The following C6orf132 variants were observed in gnomAD, a reference collection of about 807,000 sequenced individuals.
C6orf132 encodes the protein chromosome 6 open reading frame 132.
C6orf132 carries 43 observed loss-of-function variants against 65.3 expected under a neutral mutation model. The ratio of observed to expected loss-of-function variants is 0.66; its 90% CI spans 0.52 to 0.85. The LOEUF (loss-of-function observed/expected upper bound fraction) is 0.85. Ranked by LOEUF, C6orf132 falls within the 40% of genes least tolerant of loss-of-function variation. The pLI is 0.00. For missense variants in C6orf132, 1,488 were observed against 1,548.8 expected (o/e 0.96, Z 0.66); for synonymous variants, 631 against 654.1 (o/e 0.96, Z 0.54).
Position 42,107,240 on chromosome 6 carries a change from T to C in C6orf132, c.672A>G (p.Leu224=). 1 of 1,019,552 alleles carries C rather than the reference T, an allele frequency of 9.8e-7. No homozygotes were observed. Among genetic ancestry groups the C allele is most frequent in the Non-Finnish European group, 1.2e-6 (1 of 834,888 alleles). 63.2% of individuals were successfully genotyped at this position (1,019,552 alleles called of 1,614,324 possible). A position where few individuals can be genotyped will look rare whatever the true frequency, so the allele number is the denominator to read the frequency against. The change falls in exon 4 of 5, where the codon CTA becomes CTG. Residue 224 remains leucine, a synonymous_variant. Coordinates refer to ENST00000341865, the MANE Select transcript of C6orf132 (RefSeq NM_001164446.3). The stretch of plus-strand genomic sequence containing the variant: ...CTGGCACAGGAGGCGGTGGGGGGGC[T>C]AGAAAGGCCAAGGGTGGGGCAGGGG... The part of the protein sequence containing the change: ...FIPPAPPLAF[L]APPPPPVPAP...
chr6:42,107,340 G>A lies in C6orf132; in HGVS notation c.572C>T (p.Pro191Leu). 1.6e-6 allele frequency: 2 copies of A among 1,257,274 alleles called. No homozygotes were observed. Among genetic ancestry groups the A allele is most frequent in the Non-Finnish European group, 2.2e-6 (2 of 924,802 alleles). The allele number at this position is 1,257,274 out of a possible 1,614,324, so 77.9% of individuals were successfully genotyped here. ...PPPPSMAPPP[P>L]PVLEALSPPH... ...TGGGGATAGGGCCTCCAATACTGGG[G>A]GTGGAGGTGGGGCCATGCTGGGCGG... The change falls in exon 4 of 5, where the codon CCC (proline) becomes CTC (leucine). Residue 191 changes from proline to leucine, a missense_variant. By Grantham distance (98) the Pro-to-Leu change is moderately conservative. Coordinates refer to ENST00000341865, the MANE Select transcript of C6orf132 (RefSeq NM_001164446.3).
At chr6:42,128,011 G>A (rs767369196) in intron 2 of C6orf132, among the ~76,000 whole-genome samples, 5 of 149,722 alleles carry the variant, frequency 3.3e-5, no homozygotes, top group Non-Finnish European at 7.4e-5. Context: ...TGCAAGCTCC[G>A]CCTCCTGGGT....
At chr6:42,128,631 C>A (rs963730051) in intron 2 of C6orf132, 41 bp downstream of exon 2, 4 of 1,490,092 alleles carry the variant, frequency 2.7e-6, no homozygotes, top group Non-Finnish European at 3.7e-6. Context: ...GTGTCCCCAG[C>A]CAGAGCAGAC....
At chr6:42,125,589 G>GGAC (rs2127477873) in intron 2 of C6orf132, among the ~76,000 whole-genome samples, 1 of 152,292 alleles carries the variant, frequency 6.6e-6, no homozygotes, top group Non-Finnish European at 1.5e-5. Flanking sequence ...TTCAGCCGTC[G>GGAC]GTTCACCATG....
At chr6:42,117,368 G>T (rs1766598956) in intron 2 of C6orf132, among the ~76,000 whole-genome samples, 1 of 152,140 alleles carries the variant, frequency 6.6e-6, no homozygotes, top group Admixed American at 6.5e-5. Flanking sequence ...AGGTCACACA[G>T]CTAGTAAGTG....
At chr6:42,123,602 G>GGAA (rs369574940) in intron 2 of C6orf132, among the ~76,000 whole-genome samples, 2 of 149,256 alleles carry the variant, frequency 1.3e-5, no homozygotes, top group African/African-American at 5.1e-5. Context: ...GAAGAAAGAA[G>GGAA]GAAGAAGAAG....
intron 2 of C6orf132, among the ~76,000 whole-genome samples, chr6:42,121,011 A>G (rs1027589565): frequency 5.3e-5 from 8 of 152,210 alleles, no homozygotes; most frequent in Non-Finnish European, 1.2e-4. Context: ...TGACTTATCT[A>G]AAAGGAGTCA....
chr6:42,105,070 T>A lies in C6orf132; in HGVS notation c.2842A>T (p.Arg948Ter), dbSNP rs1233071167. 6.5e-7 allele frequency: 1 copy of A among 1,536,782 alleles called. No homozygotes were observed. The highest frequency in any genetic ancestry group is 1.4e-5 in the African/African-American group (1 of 73,024). Residue 948 changes from arginine to a stop codon, truncating the protein, a stop_gained, in exon 4 of 5, where the codon AGA becomes TGA. Transcript: ENST00000341865. LOFTEE classifies it high-confidence loss of function. The stretch of plus-strand genomic sequence containing the variant: ...TGGGGGAGGTTGGAGGGAGCTACTC[T>A]TTCCCAGGCCACAGGGGCCTGGGGC... The part of the protein sequence containing the change: ...PEPQAPVAWE[R>*]VAPSNLPQGH...
chr6:42,104,559 G>C lies in C6orf132; in HGVS notation c.3353C>G (p.Pro1118Arg), dbSNP rs1766354442. The C allele has an allele frequency of 7.8e-7, 1 of 1,279,956 alleles. No homozygotes were observed. The highest frequency in any genetic ancestry group is 4.2e-5 in the Admixed American group (1 of 23,800). 79.3% of individuals were successfully genotyped at this position (1,279,956 alleles called of 1,614,324 possible). A position where few individuals can be genotyped will look rare whatever the true frequency, so the allele number is the denominator to read the frequency against. ...GRAPPGGLHA[P>R]RLSLEGAARG... is the part of the protein sequence containing the mutation. ...GGCGGCGCCCTCCAGGGACAGCCTCGGCGCGTGCAGGCCTCCGGGGGGCGC... is the reference window on the plus strand; with the variant it reads ...GGCGGCGCCCTCCAGGGACAGCCTCCGCGCGTGCAGGCCTCCGGGGGGCGC... Residue 1118 changes from proline (P) to arginine (R), a missense_variant, in exon 4 of 5, where the codon CCG becomes CGG. Pro to Arg is a moderately radical substitution (Grantham distance 103). Coordinates refer to ENST00000341865, the MANE Select transcript of C6orf132 (RefSeq NM_001164446.3). The surrounding 1 kb of genome is among the most constrained non-coding windows in gnomAD (Gnocchi z 4.1).
chr6:42,106,651 G>C lies in C6orf132; in HGVS notation c.1261C>G (p.Gln421Glu). 7.0e-7 allele frequency: 1 copy of C among 1,437,526 alleles called. No homozygotes were observed. The highest frequency in any genetic ancestry group is 1.2e-5 in the South Asian group (1 of 82,568). 89.0% of individuals were successfully genotyped at this position (1,437,526 alleles called of 1,614,324 possible). ...CCAGCAGGTGGATGGGCTGCCTTCT[G>C]AGCACAGGGCAAAGGAGGTGCAGCT... The part of the protein sequence containing the change: ...PPAAPPLPCA[Q>E]KAAHPPAGFT... The change falls in exon 4 of 5, where the codon CAG becomes GAG. Residue 421 changes from glutamine to glutamate, a missense_variant. Gln to Glu is a conservative substitution (Grantham distance 29, BLOSUM62 2). Coordinates refer to ENST00000341865, the MANE Select transcript of C6orf132 (RefSeq NM_001164446.3).
intron 2 of C6orf132, among the ~76,000 whole-genome samples, chr6:42,120,714 C>A (rs962204071): frequency 6.6e-6 from 1 of 152,160 alleles, no homozygotes; most frequent in Non-Finnish European, 1.5e-5. Flanking sequence ...CTCCACCTCC[C>A]AGGTTCAAGC....
In C6orf132 at chr6:42,102,846, T is replaced by C. The variant is rs1473446631; in HGVS notation, c.*915A>G. 5.2e-6 allele frequency: 2 copies of C among 385,190 alleles called. No individual in the cohort carries two copies. The allele number at this position is 385,190 out of a possible 1,614,324, so 23.9% of individuals were successfully genotyped here. A position where few individuals can be genotyped will look rare whatever the true frequency, so the allele number is the denominator to read the frequency against. On this transcript the variant is annotated 3_prime_UTR_variant, in exon 5 of 5. Transcript: ENST00000341865. Reference sequence around the variant, plus strand: ...TAAGGCATCAAGAGTATTGGTGACTTGTAGTATCAGTGTTAGGAAAAATGC... The same window carrying C: ...TAAGGCATCAAGAGTATTGGTGACTCGTAGTATCAGTGTTAGGAAAAATGC...
rs750314946 is a variant in C6orf132 at position 42,106,500 on chromosome 6, C to T, written c.1412G>A (p.Arg471Gln). Residue 471 changes from arginine (R) to glutamine (Q), a missense_variant, in exon 4 of 5, where the codon CGG (arginine) becomes CAG (glutamine). Coordinates refer to ENST00000341865, the MANE Select transcript of C6orf132 (RefSeq NM_001164446.3). ...WRDPSQMEKL[R>Q]NELAAYLCGS... ...ACAGAGATAGGCTGCCAGCTCGTTC[C>T]GCAGCTTTTCCATCTGGCTGGGGTC... The T allele has an allele frequency of 4.4e-5, 67 of 1,536,166 alleles. No individual in the cohort carries two copies. Among genetic ancestry groups the T allele is most frequent in the African/African-American group, 2.2e-4 (16 of 72,882 alleles).
chr6:42,105,287 G>A lies in C6orf132; in HGVS notation c.2625C>T (p.Ala875=), dbSNP rs754996256. 16 of 1,537,146 alleles carry A rather than the reference G, an allele frequency of 1.0e-5. No individual in the cohort carries two copies. The highest frequency in any genetic ancestry group is 3.6e-5 in the South Asian group (3 of 84,062). ...PGSLRDHSHQ[A]EASSDSIFHS... is the part of the protein sequence containing the mutation. The stretch of plus-strand genomic sequence containing the variant: ...GGAAGATGCTGTCAGAGCTGGCCTC[G>A]GCTTGGTGGCTGTGGTCACGGAGAC... Residue 875 remains alanine (A), a synonymous_variant, in exon 4 of 5, where the codon GCC becomes GCT. Transcript: ENST00000341865.
Position 42,124,631 on chromosome 6 carries a change from C to G in C6orf132, c.252+4041G>C, listed in dbSNP as rs1336191509. ...AGTGTCAGGCAGGGCTAGGCACCGG[C>G]CCAGCTCCCCACCCACCCTGACTTG... On this transcript the variant is annotated intron_variant, in intron 2 of 4. Coordinates refer to ENST00000341865, the MANE Select transcript of C6orf132 (RefSeq NM_001164446.3). This position sits in a 1 kb window ranked among gnomAD's most constrained non-coding sequence, Gnocchi z 4.0. Among the ~76,000 whole-genome samples the G allele has an allele frequency of 6.6e-6, 1 of 152,198 alleles. No individual in the cohort carries two copies. Among genetic ancestry groups the G allele is most frequent in the Non-Finnish European group, 1.5e-5 (1 of 68,020 alleles).
Position 42,104,825 on chromosome 6 carries a change from C to G in C6orf132, c.3087G>C (p.Gly1029=). ...DLRQLPNAGP[G]APPALGFSRF... is the part of the protein sequence containing the mutation. ...GCGAGAAGCCGAGAGCCGGGGGCGC[C>G]CCGGGGCCAGCGTTCGGGAGCTGCC... is the stretch of plus-strand genomic sequence containing the variant. Residue 1029 remains glycine (G), a synonymous_variant, in exon 4 of 5, where the codon GGG becomes GGC. Transcript: ENST00000341865. The surrounding 1 kb of genome is among the most constrained non-coding windows in gnomAD (Gnocchi z 4.1). 1 of 1,462,534 alleles carries G rather than the reference C, an allele frequency of 6.8e-7. No individual in the cohort carries two copies. Among genetic ancestry groups the G allele is most frequent in the Non-Finnish European group, 9.0e-7 (1 of 1,114,076 alleles). The allele number at this position is 1,462,534 out of a possible 1,614,324, so 90.6% of individuals were successfully genotyped here.
Position 42,105,254 on chromosome 6 carries a change from C to T in C6orf132, c.2658G>A (p.Gln886=), listed in dbSNP as rs1219750156. Residue 886 remains glutamine (Q), a synonymous_variant, in exon 4 of 5, where the codon CAG becomes CAA. Coordinates refer to ENST00000341865, the MANE Select transcript of C6orf132 (RefSeq NM_001164446.3). Reference sequence around the variant, plus strand: ...CCACAGTGAAGGAGTTGGGCGTGCCCTGGCTGTGGAAGATGCTGTCAGAGC... The same window carrying T: ...CCACAGTGAAGGAGTTGGGCGTGCCTTGGCTGTGGAAGATGCTGTCAGAGC... The part of the protein sequence containing the change: ...EASSDSIFHS[Q]GTPNSFTVVP... The T allele has an allele frequency of 6.5e-7, 1 of 1,537,238 alleles. No individual in the cohort carries two copies. Among genetic ancestry groups the T allele is most frequent in the South Asian group, 1.2e-5 (1 of 84,064 alleles).
At chr6:42,126,887 C>A in intron 2 of C6orf132, 1 of 421,526 alleles carries the variant, frequency 2.4e-6, no homozygotes. Context: ...ATTTTATCTG[C>A]ATTTATGGGT....
intron 1 of C6orf132, among the ~76,000 whole-genome samples, chr6:42,129,377 T>A (rs1766819798): frequency 6.6e-6 from 1 of 152,110 alleles, no homozygotes; most frequent in Admixed American, 6.5e-5. Flanking sequence ...TGTGACCTGG[T>A]TAAAAAATCC....
Sources: allele counts gnomAD v4.1 joint callset (sites outside exome capture counted in the v4.1 genomes callset), GRCh38; gene constraint gnomAD v4.1.1; non-coding constraint Gnocchi (gnomAD v3.1); transcripts MANE v1.5; gene names NCBI Gene and HGNC (gene_info 2026-07-23, HGNC 2026-07-21).